ITPR2: variants seen among roughly 807,000 people sequenced by gnomAD.
ITPR2 encodes the protein inositol 1,4,5-trisphosphate-gated calcium channel ITPR2.
A neutral mutation model predicts 317.1 loss-of-function variants in ITPR2; 207 were observed. That is an observed-to-expected ratio of 0.65 (90% confidence interval 0.58 to 0.73). The LOEUF (loss-of-function observed/expected upper bound fraction) is 0.73, where lower values mean the gene tolerates loss of function less well. ITPR2 is among the 30% of genes least tolerant of loss of function. The pLI is 0.00. For missense variants in ITPR2, 2,613 were observed against 3,284.0 expected (o/e 0.80, Z 4.99); for synonymous variants, 1,156 against 1,149.1 (o/e 1.01, Z -0.12).
chr12:26,473,800 T>C (rs1942349721), intron 45 of ITPR2, among the ~76,000 whole-genome samples: 1 of 152,148 alleles, frequency 6.6e-6, no homozygotes, highest in Non-Finnish European at 1.5e-5. Flanking sequence ...TGGCTTCTCT[T>C]TCTCTCTAAA....
rs112598864 is a variant in ITPR2 at position 26,811,868 on chromosome 12, A to G, written c.92+20822T>C. 3.4e-5 allele frequency among the ~76,000 whole-genome samples: 5 copies of G among 147,466 alleles called. 1 individual carries two copies. Among genetic ancestry groups the G allele is most frequent in the African/African-American group, 7.5e-5 (3 of 39,960 alleles). On this transcript the variant is annotated intron_variant, in intron 1 of 56. Coordinates refer to ENST00000381340, the MANE Select transcript of ITPR2 (RefSeq NM_002223.4). ...GACTCCGTCTGAAAAAAAAAAAAAAAAAAAGAAATCTAGGGCCGGGCGTGG... is the reference window on the plus strand; with the variant it reads ...GACTCCGTCTGAAAAAAAAAAAAAAGAAAAGAAATCTAGGGCCGGGCGTGG...
intron 22 of ITPR2, 152 bp downstream of exon 22, chr12:26,631,714 T>C: frequency 4.6e-6 from 3 of 646,930 alleles, no homozygotes; most frequent in Non-Finnish European, 7.9e-6. Context: ...TGTGTGATAT[T>C]TTTTACCAGG....
intron 30 of ITPR2, among the ~76,000 whole-genome samples, chr12:26,598,182 C>G (rs780548995): frequency 7.2e-5 from 11 of 151,996 alleles, no homozygotes; most frequent in Non-Finnish European, 1.5e-4. Context: ...TAGGCAAATG[C>G]AGATAAGAAA....
chr12:26,392,050 C>G (rs1368199054), intron 54 of ITPR2, among the ~76,000 whole-genome samples: 1 of 152,130 alleles, frequency 6.6e-6, no homozygotes, highest in Non-Finnish European at 1.5e-5. Flanking sequence ...AGTTCTTGCT[C>G]TCTAAGCTTC....
chr12:26,464,979 A>C (rs183316397), intron 45 of ITPR2, among the ~76,000 whole-genome samples: 1 of 152,330 alleles, frequency 6.6e-6, no homozygotes, highest in African/African-American at 2.4e-5. Flanking sequence ...GATCCTGAGC[A>C]AGCAGTTGGA....
chr12:26,560,232 C>T (rs1382244681), intron 35 of ITPR2, among the ~76,000 whole-genome samples: 2 of 152,120 alleles, frequency 1.3e-5, no homozygotes, highest in Non-Finnish European at 2.9e-5. Flanking sequence ...CTTTCTGACC[C>T]ACTTTTTTTT....
intron 1 of ITPR2, among the ~76,000 whole-genome samples, chr12:26,827,999 G>T (rs1408668977): frequency 2.0e-5 from 3 of 152,188 alleles, no homozygotes; most frequent in South Asian, 2.1e-4. Context: ...TTCTAAAAAA[G>T]AAATCTTTTC....
At chr12:26,655,299 A>G (rs1947345105) in intron 20 of ITPR2, among the ~76,000 whole-genome samples, 1 of 152,172 alleles carries the variant, frequency 6.6e-6, no homozygotes, top group Admixed American at 6.5e-5. Flanking sequence ...TGGACATCAA[A>G]GCACCAAATC....
At chr12:26,526,543 T>A (rs144648270) in intron 37 of ITPR2, among the ~76,000 whole-genome samples, 1 of 152,332 alleles carries the variant, frequency 6.6e-6, no homozygotes, top group Non-Finnish European at 1.5e-5. Flanking sequence ...ATGTACATTT[T>A]CTTTTAAAGA....
rs1565574550 is a variant in ITPR2 at position 26,516,275 on chromosome 12, G to GGAAAGGAAAGGAAAGGAAA, written c.5074-21016_5074-21015insTTTCCTTTCCTTTCCTTTC. Reference sequence around the variant, plus strand: ...AGGAAAGGAAAGGAAAGGAAAGGAAGGGAAGGGAAGGGAAAGGAAAGGAAA... The same window carrying GGAAAGGAAAGGAAAGGAAA: ...AGGAAAGGAAAGGAAAGGAAAGGAAGGAAAGGAAAGGAAAGGAAAGGAAGGGAAGGGAAAGGAAAGGAAA... On this transcript the variant is annotated intron_variant, in intron 37 of 56. Transcript: ENST00000381340. 4.3e-3 allele frequency among the ~76,000 whole-genome samples: 161 copies of GGAAAGGAAAGGAAAGGAAA among 37,798 alleles called. 20 individuals carry two copies. Among genetic ancestry groups the GGAAAGGAAAGGAAAGGAAA allele is most frequent in the Middle Eastern group, 0.013 (1 of 80 alleles). 24.8% of individuals were successfully genotyped at this position (37,798 alleles called of 152,430 possible).
At chr12:26,707,647 C>T (rs1036372141) in intron 9 of ITPR2, among the ~76,000 whole-genome samples, 2 of 152,190 alleles carry the variant, frequency 1.3e-5, no homozygotes, top group African/African-American at 4.8e-5. Flanking sequence ...TTCTCTCCCA[C>T]ATCTGCCTCC....
intron 52 of ITPR2, among the ~76,000 whole-genome samples, chr12:26,401,671 G>T (rs149620042): frequency 3.4e-4 from 52 of 152,284 alleles, no homozygotes; most frequent in African/African-American, 1.3e-3. Context: ...GCCACAATAT[G>T]CCCGTCAAGG....
intron 36 of ITPR2, among the ~76,000 whole-genome samples, chr12:26,551,156 T>A (rs1944515688): frequency 6.6e-6 from 1 of 152,188 alleles, no homozygotes; most frequent in African/African-American, 2.4e-5. Context: ...CTGTAAGATG[T>A]CTTCCTTAAA....
At chr12:26,364,932 G>A (rs1415894626) in intron 55 of ITPR2, among the ~76,000 whole-genome samples, 1 of 152,158 alleles carries the variant, frequency 6.6e-6, no homozygotes, top group Non-Finnish European at 1.5e-5. Flanking sequence ...TGTCCTGAGA[G>A]ACCATCTGAT....
chr12:26,474,939 C>G (rs1942383518), intron 45 of ITPR2, among the ~76,000 whole-genome samples: 1 of 152,094 alleles, frequency 6.6e-6, no homozygotes, highest in South Asian at 2.1e-4. Flanking sequence ...CTGATTAGGA[C>G]TGAATGCACC....
At chr12:26,447,637 G>A (rs1941640059) in intron 45 of ITPR2, among the ~76,000 whole-genome samples, 1 of 151,816 alleles carries the variant, frequency 6.6e-6, no homozygotes, top group Non-Finnish European at 1.5e-5. Flanking sequence ...CCCAGTCAAT[G>A]TTGAAAGGAA....
intron 1 of ITPR2, among the ~76,000 whole-genome samples, chr12:26,801,486 C>T (rs1950555121): frequency 6.6e-6 from 1 of 152,184 alleles, no homozygotes; most frequent in Non-Finnish European, 1.5e-5. Context: ...AACCAAGATG[C>T]TGACCATACC....
chr12:26,619,262 G>A (rs1236912066), intron 26 of ITPR2, among the ~76,000 whole-genome samples: 3 of 152,200 alleles, frequency 2.0e-5, no homozygotes, highest in African/African-American at 7.2e-5. Flanking sequence ...AAACAACACA[G>A]TGTGTTACAC....
chr12:26,605,529 T>G (rs1490431972), intron 26 of ITPR2, among the ~76,000 whole-genome samples: 5 of 152,208 alleles, frequency 3.3e-5, no homozygotes, highest in Admixed American at 3.3e-4. Flanking sequence ...TTTATGTATG[T>G]CAACTTTAAA....
Sources: gnomAD v4.1 joint callset for allele counts (sites outside exome capture counted in the v4.1 genomes callset) on GRCh38, gnomAD v4.1.1 for gene constraint, MANE v1.5 for transcripts, NCBI Gene and HGNC (gene_info 2026-07-23, HGNC 2026-07-21) for gene names.